RBFOX3: variants seen among roughly 807,000 people sequenced by gnomAD.
RBFOX3 encodes RNA binding protein fox-1 homolog 3.
Under a neutral mutation model 48.7 loss-of-function variants are expected in RBFOX3, and 17 were observed. The observed-to-expected ratio is 0.35, with a 90% confidence interval of 0.24 to 0.52. The LOEUF is 0.52. Among genes scored for constraint, RBFOX3 ranks in the 20% least tolerant of loss-of-function variants. The probability of loss-of-function intolerance (pLI) is 0.94; values close to 1 mark genes in which losing one functional copy is unlikely to be tolerated. For synonymous variants in RBFOX3, 212 were observed against 209.5 expected, an observed-to-expected ratio of 1.01 and a Z score of -0.10; for missense variants, 382 against 497.5, an observed-to-expected ratio of 0.77 and a Z score of 2.21.
intron 1 of RBFOX3, among the ~76,000 whole-genome samples, chr17:79,530,977 G>A (rs34849114): frequency 0.15 from 22,753 of 152,248 alleles, 4,880 homozygotes; most frequent in African/African-American, 0.48. Context: ...GCCGTGGATG[G>A]ACGTGGTGGA....
Position 79,214,911 on chromosome 17 carries a change from T to C in RBFOX3, c.-34+20855A>G, listed in dbSNP as rs75810795. Among the ~76,000 whole-genome samples the C allele has an allele frequency of 0.033, 4,951 of 152,238 alleles. 276 individuals are homozygous for C. The highest frequency in any genetic ancestry group is 0.11 in the African/African-American group (4,745 of 41,534). Reference sequence around the variant, plus strand: ...GTTTGTTCTTTATTTCTCTGGCAATTACCGCTAATTTGGAGACGTTCTGCC... The same window carrying C: ...GTTTGTTCTTTATTTCTCTGGCAATCACCGCTAATTTGGAGACGTTCTGCC... On this transcript the variant is annotated intron_variant, in intron 4 of 14. Coordinates refer to ENST00000693108, the MANE Select transcript of RBFOX3 (RefSeq NM_001350451.2). The surrounding 1 kb of genome is among the most constrained non-coding windows in gnomAD (Gnocchi z 4.7).
At chr17:79,572,454 C>T (rs1320151883) in intron 1 of RBFOX3, among the ~76,000 whole-genome samples, 2 of 152,080 alleles carry the variant, frequency 1.3e-5, no homozygotes, top group Non-Finnish European at 2.9e-5. Flanking sequence ...AAGCCGAGGC[C>T]GATCCCACCC....
At chr17:79,290,137 G>A (rs1004519215) in intron 3 of RBFOX3, among the ~76,000 whole-genome samples, 20 of 152,128 alleles carry the variant, frequency 1.3e-4, no homozygotes, top group Admixed American at 1.2e-3. Flanking sequence ...ATGCTGTAGG[G>A]GGGTCCTCAC....
intron 2 of RBFOX3, among the ~76,000 whole-genome samples, chr17:79,437,333 C>G (rs564458548): frequency 6.6e-6 from 1 of 152,226 alleles, no homozygotes; most frequent in Non-Finnish European, 1.5e-5. Flanking sequence ...GCCGGGTCCC[C>G]CTGCCCACCC....
intron 1 of RBFOX3, among the ~76,000 whole-genome samples, chr17:79,597,694 C>T (rs933003197): frequency 6.6e-6 from 1 of 152,182 alleles, no homozygotes; most frequent in Non-Finnish European, 1.5e-5. Flanking sequence ...CTACTAAGTA[C>T]CCCCCATAGG....
At chr17:79,428,147 C>T (rs2067726236) in intron 2 of RBFOX3, among the ~76,000 whole-genome samples, 1 of 152,246 alleles carries the variant, frequency 6.6e-6, no homozygotes, top group Non-Finnish European at 1.5e-5. Context: ...GTCCTCGTTC[C>T]CTCTCTCTCT....
At chr17:79,148,180 C>A (rs1398388188) in intron 4 of RBFOX3, among the ~76,000 whole-genome samples, 1 of 152,230 alleles carries the variant, frequency 6.6e-6, no homozygotes, top group African/African-American at 2.4e-5. Context: ...GGCTAACACT[C>A]CTTGCAGCTG....
chr17:79,616,117 A>G, the RBFOX3 span, among the ~76,000 whole-genome samples: 2 of 152,186 alleles, frequency 1.3e-5, no homozygotes, highest in Non-Finnish European at 2.9e-5. Flanking sequence ...TGAGGTCCAC[A>G]GATGGCCAGC....
upstream of RBFOX3, among the ~76,000 whole-genome samples, chr17:79,611,574 GACCCC>G (rs2093970373): frequency 6.6e-6 from 1 of 152,096 alleles, no homozygotes; most frequent in Non-Finnish European, 1.5e-5. Context: ...CCCTTAACAG[GACCCC>G]TGCCCTTGTG....
intron 3 of RBFOX3, among the ~76,000 whole-genome samples, chr17:79,281,814 T>C (rs944919653): frequency 6.6e-6 from 1 of 152,218 alleles, no homozygotes; most frequent in East Asian, 1.9e-4. Context: ...AGTAAATATA[T>C]GCATGATCTT....
chr17:79,520,222 G>A (rs2149980345), intron 1 of RBFOX3, among the ~76,000 whole-genome samples: 1 of 152,362 alleles, frequency 6.6e-6, no homozygotes, highest in South Asian at 2.1e-4. Context: ...CAGTGGCAGT[G>A]TGACAACGCC....
chr17:79,296,425 T>C lies in RBFOX3; in HGVS notation c.-74+11299A>G, dbSNP rs763860577. On this transcript the variant is annotated intron_variant, in intron 3 of 14. Coordinates refer to ENST00000693108, the MANE Select transcript of RBFOX3 (RefSeq NM_001350451.2). ...AGCCGGGCTGTGTTTTGTCGCTCTATGGGCCGACTTTGTTACACCTGCATA... is the reference window on the plus strand; with the variant it reads ...AGCCGGGCTGTGTTTTGTCGCTCTACGGGCCGACTTTGTTACACCTGCATA... Among the ~76,000 whole-genome samples the C allele has an allele frequency of 3.3e-4, 50 of 152,170 alleles. 1 individual carries two copies. Among genetic ancestry groups the C allele is most frequent in the Non-Finnish European group, 1.9e-4 (13 of 68,026 alleles).
At chr17:79,169,214 C>A (rs1329169062) in intron 4 of RBFOX3, among the ~76,000 whole-genome samples, 1 of 152,188 alleles carries the variant, frequency 6.6e-6, no homozygotes, top group Admixed American at 6.5e-5. Context: ...GGGGGGTGCC[C>A]ACCTCTGCTT....
chr17:79,493,654 TTTTCA>T (rs2081024849), intron 1 of RBFOX3, among the ~76,000 whole-genome samples: 1 of 152,202 alleles, frequency 6.6e-6, no homozygotes, highest in Non-Finnish European at 1.5e-5. Flanking sequence ...TGTAATTATA[TTTTCA>T]TTTGTTTCTG....
At chr17:79,304,709 C>G (rs2075854075) in intron 3 of RBFOX3, among the ~76,000 whole-genome samples, 1 of 152,110 alleles carries the variant, frequency 6.6e-6, no homozygotes, top group African/African-American at 2.4e-5. Flanking sequence ...GTCCCCAGAC[C>G]CTTCTAACCC....
chr17:79,475,172 A>G (rs1010936479), intron 2 of RBFOX3, among the ~76,000 whole-genome samples: 3 of 152,024 alleles, frequency 2.0e-5, no homozygotes, highest in Non-Finnish European at 4.4e-5. Flanking sequence ...GGGGACAGAG[A>G]ATGATCTCAG....
chr17:79,621,327 T>A, the RBFOX3 span, among the ~76,000 whole-genome samples: 1 of 152,206 alleles, frequency 6.6e-6, no homozygotes, highest in Middle Eastern at 3.4e-3. Context: ...ATCCCAAAGT[T>A]GAAACCCAGC....
chr17:79,549,951 C>T (rs181489006), intron 1 of RBFOX3, among the ~76,000 whole-genome samples: 7 of 152,066 alleles, frequency 4.6e-5, no homozygotes, highest in Non-Finnish European at 1.0e-4. Flanking sequence ...CAAAAAAAAA[C>T]GTGGACAGCT....
chr17:79,594,151 C>T (rs2093502523), intron 1 of RBFOX3, among the ~76,000 whole-genome samples: 1 of 152,040 alleles, frequency 6.6e-6, no homozygotes, highest in African/African-American at 2.4e-5. Flanking sequence ...AGAGGTGGGT[C>T]CTCCTGACCC....
Sources: allele counts gnomAD v4.1 joint callset (sites outside exome capture counted in the v4.1 genomes callset), GRCh38; gene constraint gnomAD v4.1.1; non-coding constraint Gnocchi (gnomAD v3.1); transcripts MANE v1.5; gene names NCBI Gene and HGNC (gene_info 2026-07-23, HGNC 2026-07-21).